The following WT1 variants were observed in gnomAD, a reference collection of about 807,000 sequenced individuals.
The protein encoded by WT1 is Wilms tumor protein.
WT1 carries 8 observed loss-of-function variants against 60.8 expected under a neutral mutation model. The observed-to-expected ratio is 0.13, with a 90% CI of 0.08 to 0.24. The LOEUF (loss-of-function observed/expected upper bound fraction) is 0.24. WT1 is among the 10% of genes least tolerant of loss of function. WT1 has a pLI of 1.00. For synonymous variants in WT1, 312 were observed against 297.1 expected (o/e 1.05, Z -0.52); for missense variants, 568 against 711.8 (o/e 0.80, Z 2.30).
chr11:32,405,408 C>A (rs1466535793), intron 5 of WT1, among the ~76,000 whole-genome samples: 2 of 151,594 alleles, frequency 1.3e-5, no homozygotes, highest in African/African-American at 4.8e-5. Context: ...TAGATGGCAC[C>A]ACTGCACTCT....
intron 1 of WT1, among the ~76,000 whole-genome samples, chr11:32,434,470 A>T (rs1212803504): frequency 2.0e-5 from 3 of 152,230 alleles, no homozygotes; most frequent in African/African-American, 7.2e-5. Flanking sequence ...TCTTGCGAAC[A>T]GTCAGGCTCC....
At chr11:32,397,366 G>C (rs1162696132) in intron 6 of WT1, among the ~76,000 whole-genome samples, 1 of 152,076 alleles carries the variant, frequency 6.6e-6, no homozygotes, top group Non-Finnish European at 1.5e-5. Flanking sequence ...GTCCAGGCTG[G>C]AGTGCAGTGG....
At position 32,399,931 on chromosome 11, in the gene WT1, C is replaced by A. The variant is rs2132956485; in HGVS notation, c.1113+17G>T. The A allele has an allele frequency of 6.2e-7, 1 of 1,613,844 alleles. No homozygotes were observed. The highest frequency in any genetic ancestry group is 8.5e-7 in the Non-Finnish European group (1 of 1,179,888). ...CAGTGCGGCCCCCTTCCCGCTGGGG[C>A]CTGTCTGTGTGCTCACCTGAATGCC... On this transcript the variant is annotated intron_variant, in intron 6 of 9. Coordinates refer to ENST00000452863, the MANE Select transcript of WT1 (RefSeq NM_024426.6).
At chr11:32,399,836 G>T in intron 6 of WT1, 112 bp downstream of exon 6, 1 of 1,171,964 alleles carries the variant, frequency 8.5e-7, no homozygotes, top group Non-Finnish European at 1.2e-6. Context: ...GGAGCCTGCA[G>T]TGAAGAAGAG....
chr11:32,410,603 GATTA>G (rs1852466574), intron 5 of WT1, among the ~76,000 whole-genome samples: 1 of 152,106 alleles, frequency 6.6e-6, no homozygotes, highest in East Asian at 1.9e-4. Context: ...TGAGACAACA[GATTA>G]ATTTTCTTTT....
Position 32,435,513 on chromosome 11 carries a change from G to T in WT1, c.-153C>A. The stretch of plus-strand genomic sequence containing the variant: ...CGGAGAGCCCCCGGGTGTGGGCGCT[G>T]CCTTGAACTCCTTACCCCAGCTGCC... On this transcript the variant is annotated 5_prime_UTR_variant, in exon 1 of 10. Transcript: ENST00000452863. The T allele has an allele frequency of 8.2e-7, 1 of 1,223,164 alleles. No homozygotes were observed. Among genetic ancestry groups the T allele is most frequent in the Non-Finnish European group, 1.1e-6 (1 of 890,766 alleles). The allele number at this position is 1,223,164 out of a possible 1,614,324, so 75.8% of individuals were successfully genotyped here. A position where few individuals can be genotyped will look rare whatever the true frequency, so the allele number is the denominator to read the frequency against.
rs918718134 is a variant in WT1, at chr11:32,426,432, C to T, written c.887+1524G>A. On this transcript the variant is annotated intron_variant, in intron 3 of 9. Coordinates refer to ENST00000452863, the MANE Select transcript of WT1 (RefSeq NM_024426.6). ...TTTTGCTAGGGAAGGAGATTCACCT[C>T]AGAGAATAGGTGCGAATCCTGCCCC... Among the ~76,000 whole-genome samples, 4 of 152,216 alleles carry T rather than the reference C, an allele frequency of 2.6e-5. No individual in the cohort carries two copies. In the East Asian group the frequency reaches 5.8e-4, roughly 22 times the overall value.
At chr11:32,429,679 T>A (rs528131797) in intron 1 of WT1, among the ~76,000 whole-genome samples, 1 of 152,108 alleles carries the variant, frequency 6.6e-6, no homozygotes, top group Non-Finnish European at 1.5e-5. Flanking sequence ...CCGGAGTCTG[T>A]GGCCTGAAGT....
At chr11:32,390,602 G>T (rs991403177) in intron 9 of WT1, among the ~76,000 whole-genome samples, 2 of 152,130 alleles carry the variant, frequency 1.3e-5, no homozygotes, top group Non-Finnish European at 2.9e-5. Flanking sequence ...TCCTTCACTC[G>T]CTGTTCCTCT....
intron 1 of WT1, chr11:32,429,163 C>G: frequency 4.8e-6 from 1 of 207,632 alleles, no homozygotes; most frequent in Non-Finnish European, 9.9e-6. Context: ...TGTTATCTGT[C>G]TGGGGCTACC....
At chr11:32,410,295 T>C (rs1288121401) in intron 5 of WT1, among the ~76,000 whole-genome samples, 1 of 152,142 alleles carries the variant, frequency 6.6e-6, no homozygotes, top group African/African-American at 2.4e-5. Context: ...TATCTAAAGA[T>C]AAATAACTAA....
At chr11:32,406,180 C>T (rs1332103021) in intron 5 of WT1, among the ~76,000 whole-genome samples, 1 of 152,074 alleles carries the variant, frequency 6.6e-6, no homozygotes, top group Non-Finnish European at 1.5e-5. Context: ...ATGTTTTTGG[C>T]ACCAGGGACC....
Position 32,427,436 on chromosome 11 carries a change from G to A in WT1, c.887+520C>T, listed in dbSNP as rs554684230. Among the ~76,000 whole-genome samples the A allele has an allele frequency of 2.2e-4, 33 of 152,318 alleles. No individual in the cohort carries two copies. The South Asian group carries it at 5.0e-3, about 23-fold the overall frequency. On this transcript the variant is annotated intron_variant, in intron 3 of 9. Coordinates refer to ENST00000452863, the MANE Select transcript of WT1 (RefSeq NM_024426.6). The stretch of plus-strand genomic sequence containing the variant: ...CCGATCTCCGTCCTGCACCCCGGCC[G>A]GGGGCCCACCCCAGAGCGTAGCAGG...
intron 5 of WT1, among the ~76,000 whole-genome samples, chr11:32,414,183 T>C (rs776569018): frequency 6.6e-6 from 1 of 152,266 alleles, no homozygotes; most frequent in Non-Finnish European, 1.5e-5. Context: ...TGTTCTTTTG[T>C]GGAACTATCT....
At chr11:32,389,533 C>T (rs1371196199) in intron 9 of WT1, among the ~76,000 whole-genome samples, 1 of 152,150 alleles carries the variant, frequency 6.6e-6, no homozygotes, top group Admixed American at 6.5e-5. Flanking sequence ...GTAAATTTCT[C>T]CCCCTTGTTG....
intron 5 of WT1, among the ~76,000 whole-genome samples, chr11:32,412,615 TAGAA>T (rs1852536818): frequency 6.6e-6 from 1 of 151,492 alleles, no homozygotes; most frequent in Non-Finnish European, 1.5e-5. Context: ...TTCAAAGAAA[TAGAA>T]AGCAGATAAC....
chr11:32,410,469 TC>T (rs1852461760), intron 5 of WT1, among the ~76,000 whole-genome samples: 1 of 152,184 alleles, frequency 6.6e-6, no homozygotes. Context: ...CAGGCTTTTG[TC>T]TCTTCCGTCT....
At chr11:32,431,679 G>A (rs905857976) in intron 1 of WT1, among the ~76,000 whole-genome samples, 1 of 151,832 alleles carries the variant, frequency 6.6e-6, no homozygotes, top group Non-Finnish European at 1.5e-5. Flanking sequence ...CTGACCTCAG[G>A]TGATCCAACC....
At chr11:32,392,988 G>T (rs1025327370) in intron 7 of WT1, among the ~76,000 whole-genome samples, 1 of 137,922 alleles carries the variant, frequency 7.3e-6, no homozygotes, top group African/African-American at 2.8e-5. Context: ...AAAAAAAAAA[G>T]CCCTGGGTGA....
Sources: allele counts gnomAD v4.1 joint callset (sites outside exome capture counted in the v4.1 genomes callset), GRCh38; gene constraint gnomAD v4.1.1; transcripts MANE v1.5; gene names NCBI Gene and HGNC (gene_info 2026-07-23, HGNC 2026-07-21).